The following IL1RAPL2 variants were observed in gnomAD, a reference collection of about 807,000 sequenced individuals.
The protein encoded by IL1RAPL2 is X-linked interleukin-1 receptor accessory protein-like 2.
Under a neutral mutation model 44.1 loss-of-function variants are expected in IL1RAPL2, and 3 were observed. That is an observed-to-expected ratio of 0.07 (90% confidence interval 0.03 to 0.18). IL1RAPL2 has a LOEUF of 0.18. IL1RAPL2 is among the 10% of genes least tolerant of loss of function. The probability of loss-of-function intolerance (pLI) is 1.00; values close to 1 mark genes in which losing one functional copy is unlikely to be tolerated. For synonymous variants in IL1RAPL2, 181 were observed against 178.8 expected, an observed-to-expected ratio of 1.01 and a Z score of -0.10; for missense variants, 391 against 496.4, an observed-to-expected ratio of 0.79 and a Z score of 2.02.
At chrX:105,051,331 C>T (rs1208041739) in intron 2 of IL1RAPL2, among the ~76,000 whole-genome samples, 3 of 112,522 alleles carry the variant, frequency 2.7e-5, no homozygotes, top group Non-Finnish European at 5.6e-5. Context: ...TGCAGAGATG[C>T]ACAGGTCCTG....
chrX:104,999,952 C>T (rs930355050), intron 2 of IL1RAPL2, among the ~76,000 whole-genome samples: 1 of 102,550 alleles, frequency 9.8e-6, no homozygotes, highest in African/African-American at 4.3e-5. Flanking sequence ...TCACTCATAA[C>T]ATTTCTTTTT....
At chrX:105,352,199 G>C (rs1453560246) in intron 5 of IL1RAPL2, among the ~76,000 whole-genome samples, 1 of 111,642 alleles carries the variant, frequency 9.0e-6, no homozygotes, top group Non-Finnish European at 1.9e-5. Context: ...CAAAGTACTG[G>C]GATTACAGGC....
chrX:104,910,319 T>A (rs1474286199), intron 2 of IL1RAPL2, among the ~76,000 whole-genome samples: 2 of 112,280 alleles, frequency 1.8e-5, no homozygotes, highest in Non-Finnish European at 3.8e-5. Flanking sequence ...GTCTTCTGCG[T>A]TGCTCGTGCT....
chrX:105,493,666 C>T (rs2036336962), intron 6 of IL1RAPL2, among the ~76,000 whole-genome samples: 1 of 110,921 alleles, frequency 9.0e-6, no homozygotes, highest in Admixed American at 9.6e-5. Context: ...AGTAGTGAAG[C>T]TAAAGTTGTC....
chrX:104,927,952 CAGTGTATA>C (rs1199441098), intron 2 of IL1RAPL2, among the ~76,000 whole-genome samples: 1 of 112,060 alleles, frequency 8.9e-6, no homozygotes, highest in East Asian at 2.8e-4. Context: ...GGTGTATCTC[CAGTGTATA>C]AGTGTTGACA....
At chrX:105,689,100 G>A (rs1013203999) in intron 6 of IL1RAPL2, among the ~76,000 whole-genome samples, 2 of 111,739 alleles carry the variant, frequency 1.8e-5, no homozygotes, top group Non-Finnish European at 3.8e-5. Flanking sequence ...TTAAATGTTA[G>A]ACCTAAAACC....
intron 2 of IL1RAPL2, among the ~76,000 whole-genome samples, chrX:105,076,981 T>G (rs1157348895): frequency 9.0e-6 from 1 of 111,269 alleles, no homozygotes; most frequent in Non-Finnish European, 1.9e-5. Flanking sequence ...CACTGATGGG[T>G]CTTGACTCTT....
At chrX:105,740,236 G>T (rs1453177083) in intron 7 of IL1RAPL2, among the ~76,000 whole-genome samples, 1 of 111,261 alleles carries the variant, frequency 9.0e-6, no homozygotes, top group Non-Finnish European at 1.9e-5. Flanking sequence ...TTTTTTGAAA[G>T]GATCAACAAA....
At chrX:104,848,397 A>G (rs1487476892) in intron 2 of IL1RAPL2, among the ~76,000 whole-genome samples, 1 of 88,102 alleles carries the variant, frequency 1.1e-5, no homozygotes, top group Admixed American at 1.4e-4. Context: ...ATTTTTAAAA[A>G]GATTTTTATC....
chrX:105,210,848 T>A (rs1310601697), intron 3 of IL1RAPL2, among the ~76,000 whole-genome samples: 3 of 110,948 alleles, frequency 2.7e-5, no homozygotes, highest in Non-Finnish European at 3.8e-5. Context: ...CCAGGTGATG[T>A]CCAAGGCTCC....
intron 2 of IL1RAPL2, among the ~76,000 whole-genome samples, chrX:105,009,954 G>A (rs1250832938): frequency 6.4e-5 from 7 of 110,121 alleles, no homozygotes; most frequent in African/African-American, 2.0e-4. Context: ...AAAATAATCT[G>A]TACATAACTT....
chrX:104,721,209 A>G (rs767549780), intron 2 of IL1RAPL2, among the ~76,000 whole-genome samples: 2 of 111,541 alleles, frequency 1.8e-5, no homozygotes, highest in Admixed American at 9.5e-5. Flanking sequence ...AAATCATTCT[A>G]TTACAAAGAT....
intron 2 of IL1RAPL2, among the ~76,000 whole-genome samples, chrX:105,026,696 C>G (rs1409536089): frequency 9.1e-6 from 1 of 109,837 alleles, no homozygotes; most frequent in Admixed American, 9.8e-5. Flanking sequence ...AAGAGGACAC[C>G]AAAAAATGGA....
chrX:104,721,123 A>G (rs1931666895), intron 2 of IL1RAPL2, among the ~76,000 whole-genome samples: 1 of 111,686 alleles, frequency 9.0e-6, no homozygotes, highest in African/African-American at 3.3e-5. Flanking sequence ...CAGTGTGGCA[A>G]TTCCTCAAAG....
intron 2 of IL1RAPL2, among the ~76,000 whole-genome samples, chrX:104,859,010 T>C (rs919965765): frequency 5.4e-5 from 6 of 112,070 alleles, no homozygotes; most frequent in Admixed American, 9.5e-5. Context: ...TTTATACAGA[T>C]AATGGCTTGA....
chrX:105,080,121 C>G (rs1426046234), intron 2 of IL1RAPL2, among the ~76,000 whole-genome samples: 1 of 111,741 alleles, frequency 8.9e-6, no homozygotes, highest in Non-Finnish European at 1.9e-5. Flanking sequence ...GGATATTAGC[C>G]CTTTGTCAGA....
intron 6 of IL1RAPL2, among the ~76,000 whole-genome samples, chrX:105,570,809 G>A (rs995001698): frequency 6.3e-5 from 7 of 111,612 alleles, no homozygotes; most frequent in African/African-American, 2.3e-4. Context: ...GAGGAAGATT[G>A]TGAATTGAAG....
intron 7 of IL1RAPL2, among the ~76,000 whole-genome samples, chrX:105,729,077 A>G (rs772528020): frequency 9.0e-6 from 1 of 111,192 alleles, no homozygotes; most frequent in South Asian, 3.7e-4. Context: ...CTTTTTATCA[A>G]TGAATAATAT....
chrX:105,643,593 A>AT (rs2037583840), intron 6 of IL1RAPL2, among the ~76,000 whole-genome samples: 1 of 112,282 alleles, frequency 8.9e-6, no homozygotes, highest in African/African-American at 3.2e-5. Context: ...CAAGAATCAG[A>AT]TGCAAGCTGA....
Sources: allele counts gnomAD v4.1 joint callset (sites outside exome capture counted in the v4.1 genomes callset), GRCh38; gene constraint gnomAD v4.1.1; transcripts MANE v1.5; gene names NCBI Gene and HGNC (gene_info 2026-07-23, HGNC 2026-07-21).